The following SESN1 variants were observed in gnomAD, a reference collection of about 807,000 sequenced individuals.
The protein encoded by SESN1 is sestrin 1.
SESN1 carries 30 observed loss-of-function variants against 59.3 expected under a neutral mutation model. The ratio of observed to expected loss-of-function variants is 0.51; its 90% CI spans 0.38 to 0.69. The LOEUF is 0.69. Ranked by LOEUF, SESN1 falls within the 30% of genes least tolerant of loss-of-function variation. SESN1 has a pLI of 0.00. For missense variants in SESN1, 566 were observed against 673.0 expected (o/e 0.84, Z 1.76); for synonymous variants, 197 against 219.9 (o/e 0.90, Z 0.92).
intron 1 of SESN1, among the ~76,000 whole-genome samples, chr6:109,024,204 C>G (rs1780052301): frequency 6.6e-6 from 1 of 152,182 alleles, no homozygotes; most frequent in Non-Finnish European, 1.5e-5. Flanking sequence ...TCACCTGCCT[C>G]TCTTAGAGAC....
At chr6:109,046,318 CGA>C (rs1780435406) in intron 1 of SESN1, among the ~76,000 whole-genome samples, 1 of 151,854 alleles carries the variant, frequency 6.6e-6, no homozygotes, top group Non-Finnish European at 1.5e-5. Flanking sequence ...CCCCTAACCG[CGA>C]GTGATCCGCC....
chr6:109,069,019 G>C (rs1384847103), intron 1 of SESN1, among the ~76,000 whole-genome samples: 1 of 152,086 alleles, frequency 6.6e-6, no homozygotes, highest in African/African-American at 2.4e-5. Context: ...ACCGCGCCCA[G>C]CCGAAATTTC....
chr6:109,077,396 C>T (rs1381377618), intron 1 of SESN1, among the ~76,000 whole-genome samples: 1 of 152,194 alleles, frequency 6.6e-6, no homozygotes, highest in Non-Finnish European at 1.5e-5. Context: ...CTTTCTGGGT[C>T]TGTTTCCTCA....
rs1400722601 is a variant in SESN1, at chr6:109,090,079, T to C, written c.279+3716A>G. ...GGTTTCTGCCTAGTAATAGCAGGCA[T>C]ACCTAACATTAACTGAGCATTTCTT... On this transcript the variant is annotated intron_variant, in intron 1 of 9. Coordinates refer to ENST00000436639, the MANE Select transcript of SESN1 (RefSeq NM_014454.3). Among the ~76,000 whole-genome samples the C allele has an allele frequency of 2.6e-5, 4 of 152,242 alleles. No individual in the cohort carries two copies. In the South Asian group the frequency reaches 6.2e-4, roughly 24 times the overall value.
At chr6:109,011,840 G>A (rs1195415243) in intron 1 of SESN1, among the ~76,000 whole-genome samples, 4 of 151,796 alleles carry the variant, frequency 2.6e-5, no homozygotes, top group Non-Finnish European at 5.9e-5. Flanking sequence ...TGTTGTCTAG[G>A]CTGGTCTCAA....
chr6:109,012,840 C>T (rs751057339), intron 1 of SESN1, among the ~76,000 whole-genome samples: 2 of 152,006 alleles, frequency 1.3e-5, no homozygotes, highest in African/African-American at 2.4e-5. Flanking sequence ...GTAGGCCGGG[C>T]GTGGTGGCTT....
intron 1 of SESN1, among the ~76,000 whole-genome samples, chr6:109,017,388 C>T (rs1309411393): frequency 1.3e-5 from 2 of 152,150 alleles, no homozygotes; most frequent in Non-Finnish European, 2.9e-5. Flanking sequence ...CGGGTTCACA[C>T]CATTCTCCTG....
chr6:108,988,087 C>G (rs1022942056), intron 9 of SESN1, among the ~76,000 whole-genome samples: 1 of 152,144 alleles, frequency 6.6e-6, no homozygotes, highest in Admixed American at 6.5e-5. Context: ...AGCCACCATA[C>G]CTGGCCTAAT....
chr6:109,029,297 T>C (rs1052278787), intron 1 of SESN1, among the ~76,000 whole-genome samples: 10 of 152,102 alleles, frequency 6.6e-5, no homozygotes, highest in Admixed American at 3.3e-4. Flanking sequence ...AAATCACGGG[T>C]TAAAACACAG....
intron 1 of SESN1, among the ~76,000 whole-genome samples, chr6:109,008,453 T>C (rs542518665): frequency 1.5e-4 from 23 of 152,322 alleles, no homozygotes; most frequent in African/African-American, 5.3e-4. Context: ...CAAAAAAATA[T>C]TTGGTGCTTT....
rs143042828 is a variant in SESN1 at position 109,094,500 on chromosome 6, G to C, written c.-427C>G. 6.3e-6 allele frequency: 1 copy of C among 158,042 alleles called. No individual in the cohort carries two copies. Among genetic ancestry groups the C allele is most frequent in the Admixed American group, 6.4e-5 (1 of 15,738 alleles). The allele number at this position is 158,042 out of a possible 1,614,324, so 9.8% of individuals were successfully genotyped here. On this transcript the variant is annotated 5_prime_UTR_variant, in exon 1 of 10. Transcript: ENST00000436639. ...GGGCTTTTTTGTCTGTGCAGCCACC[G>C]GGTTCTCTCCGGCGTTCCCACCCCG...
chr6:108,987,491 T>G lies in SESN1; in HGVS notation c.*53A>C. 2.0e-6 allele frequency: 2 copies of G among 1,004,648 alleles called. No individual in the cohort carries two copies. Among genetic ancestry groups the G allele is most frequent in the Non-Finnish European group, 3.1e-6 (2 of 639,656 alleles). The allele number at this position is 1,004,648 out of a possible 1,614,324, so 62.2% of individuals were successfully genotyped here. The stretch of plus-strand genomic sequence containing the variant: ...TCCTGGGGCTTAGTACCTTCCCCCT[T>G]GTAGACTATATCTGCTGATCATTCC... On this transcript the variant is annotated 3_prime_UTR_variant, in exon 10 of 10. Coordinates refer to ENST00000436639, the MANE Select transcript of SESN1 (RefSeq NM_014454.3).
At chr6:109,079,644 T>A (rs1781087951) in intron 1 of SESN1, among the ~76,000 whole-genome samples, 1 of 152,204 alleles carries the variant, frequency 6.6e-6, no homozygotes, top group Non-Finnish European at 1.5e-5. Context: ...TTGGTTCGGG[T>A]ACCCAGTTCA....
At chr6:108,997,644 G>A (rs932953077) in intron 5 of SESN1, among the ~76,000 whole-genome samples, 3 of 152,094 alleles carry the variant, frequency 2.0e-5, no homozygotes, top group African/African-American at 7.2e-5. Context: ...AGATACAAAA[G>A]AACTGAGATT....
chr6:109,085,319 A>G (rs924185103), intron 1 of SESN1, among the ~76,000 whole-genome samples: 26 of 152,254 alleles, frequency 1.7e-4, no homozygotes, highest in African/African-American at 6.3e-4. Flanking sequence ...GTAGATCGAG[A>G]CCATCCTGGC....
At chr6:109,048,629 G>A (rs1322544926) in intron 1 of SESN1, among the ~76,000 whole-genome samples, 2 of 152,202 alleles carry the variant, frequency 1.3e-5, no homozygotes, top group Non-Finnish European at 2.9e-5. Flanking sequence ...CCTGTGGGTA[G>A]ATGGCCACAA....
intron 1 of SESN1, among the ~76,000 whole-genome samples, chr6:109,004,371 C>T (rs1779687162): frequency 6.6e-6 from 1 of 151,378 alleles, no homozygotes; most frequent in African/African-American, 2.4e-5. Context: ...ATATTTGCCA[C>T]TCAAATAACA....
intron 1 of SESN1, among the ~76,000 whole-genome samples, chr6:109,044,282 A>C (rs1780387518): frequency 7.6e-6 from 1 of 130,990 alleles, no homozygotes; most frequent in East Asian, 2.7e-4. Flanking sequence ...ACCACACTCC[A>C]GCCTAGATGA....
chr6:109,048,824 T>C (rs555527989), intron 1 of SESN1, among the ~76,000 whole-genome samples: 49 of 152,330 alleles, frequency 3.2e-4, no homozygotes, highest in African/African-American at 1.1e-3. Context: ...TTCTATGTGT[T>C]CCTGCATACC....
Sources: allele counts gnomAD v4.1 joint callset (sites outside exome capture counted in the v4.1 genomes callset), GRCh38; gene constraint gnomAD v4.1.1; transcripts MANE v1.5; gene names NCBI Gene and HGNC (gene_info 2026-07-23, HGNC 2026-07-21).